SORCS1: variants seen among roughly 807,000 people sequenced by gnomAD.
SORCS1 encodes VPS10 domain-containing receptor SorCS1.
A neutral mutation model predicts 146.1 loss-of-function variants in SORCS1; 60 were observed. That is an observed-to-expected ratio of 0.41 (90% CI 0.33 to 0.51). The LOEUF is 0.51. Ranked by LOEUF, SORCS1 falls within the 20% of genes least tolerant of loss-of-function variation. SORCS1 has a pLI of 0.21. For missense variants in SORCS1, 1,352 were observed against 1,487.6 expected, an observed-to-expected ratio of 0.91 and a Z score of 1.50; for synonymous variants, 637 against 584.0, an observed-to-expected ratio of 1.09 and a Z score of -1.31.
chr10:107,035,492 G>GA (rs1196470944), intron 1 of SORCS1, among the ~76,000 whole-genome samples: 1 of 152,028 alleles, frequency 6.6e-6, no homozygotes, highest in East Asian at 1.9e-4. Flanking sequence ...AGAATGGAGT[G>GA]AAAAAACTCT....
chr10:106,851,776 T>C (rs12412367), intron 2 of SORCS1, among the ~76,000 whole-genome samples: 42,380 of 152,180 alleles, frequency 0.28, 7,075 homozygotes, highest in Non-Finnish European at 0.38. Context: ...GTTGAATCTA[T>C]AGATCAAGTT....
At position 107,015,314 on chromosome 10, in the gene SORCS1, T is replaced by C. The variant is rs192400661; in HGVS notation, c.559-58734A>G. ...CTCAGTAAGTACATTGTATGGTATG[T>C]CAGAAGGTGACTTGTGTTATTGCCA... On this transcript the variant is annotated intron_variant, in intron 1 of 25. Coordinates refer to ENST00000263054, the MANE Select transcript of SORCS1 (RefSeq NM_052918.5). Among the ~76,000 whole-genome samples, 466 of 152,298 alleles carry C rather than the reference T, an allele frequency of 3.1e-3. 1 individual carries two copies. The highest frequency in any genetic ancestry group is 0.024 in the Middle Eastern group (7 of 294).
chr10:107,150,455 A>G (rs1590246677), intron 1 of SORCS1, among the ~76,000 whole-genome samples: 1 of 152,364 alleles, frequency 6.6e-6, no homozygotes, highest in South Asian at 2.1e-4. Flanking sequence ...CACATGCAAG[A>G]GTGGCTACCT....
At chr10:107,037,290 A>G (rs918378595) in intron 1 of SORCS1, among the ~76,000 whole-genome samples, 8 of 152,170 alleles carry the variant, frequency 5.3e-5, no homozygotes, top group African/African-American at 1.9e-4. Flanking sequence ...AAGTCAGTCT[A>G]CCAAAAAGCT....
intron 1 of SORCS1, among the ~76,000 whole-genome samples, chr10:107,058,458 G>A: frequency 6.6e-6 from 1 of 152,136 alleles, no homozygotes; most frequent in Non-Finnish European, 1.5e-5. Context: ...AAAAAACCTA[G>A]AACGTGTTAG....
chr10:107,134,133 G>A (rs1334983555), intron 1 of SORCS1, among the ~76,000 whole-genome samples: 1 of 152,116 alleles, frequency 6.6e-6, no homozygotes, highest in East Asian at 1.9e-4. Context: ...AAAGTAACTG[G>A]CATACTTTCA....
chr10:106,658,387 C>T (rs1312910306), intron 17 of SORCS1, among the ~76,000 whole-genome samples: 1 of 151,788 alleles, frequency 6.6e-6, no homozygotes, highest in Non-Finnish European at 1.5e-5. Context: ...CGGTAGTTAT[C>T]ACATGCAACC....
intron 14 of SORCS1, among the ~76,000 whole-genome samples, chr10:106,674,328 C>CAAAAAAAAAA (rs10658432): frequency 0.14 from 3,930 of 27,322 alleles, 1,590 homozygotes; most frequent in Middle Eastern, 0.25. Context: ...GACTCCGTCT[C>CAAAAAAAAAA]AAAAAAAAAA....
intron 1 of SORCS1, among the ~76,000 whole-genome samples, chr10:107,109,393 G>C (rs1027303826): frequency 8.5e-5 from 13 of 152,204 alleles, no homozygotes; most frequent in Non-Finnish European, 1.8e-4. Flanking sequence ...GAATCTGCAG[G>C]CTTAACACTA....
intron 2 of SORCS1, among the ~76,000 whole-genome samples, chr10:106,901,149 A>G (rs1951684755): frequency 6.6e-6 from 1 of 152,198 alleles, no homozygotes; most frequent in African/African-American, 2.4e-5. Flanking sequence ...ACTTTTCCCT[A>G]AAATAACACA....
At chr10:106,790,192 T>C (rs11597972) in intron 3 of SORCS1, among the ~76,000 whole-genome samples, 12,796 of 152,236 alleles carry the variant, frequency 0.084, 682 homozygotes, top group East Asian at 0.23. Context: ...TTTGTTACTG[T>C]AACATCAGAG....
chr10:106,873,223 G>T (rs1188346111), intron 2 of SORCS1, among the ~76,000 whole-genome samples: 1 of 151,418 alleles, frequency 6.6e-6, no homozygotes, highest in Non-Finnish European at 1.5e-5. Flanking sequence ...TGAGGCAGGA[G>T]AATTGTTTGA....
At chr10:106,797,498 T>G (rs1946630162) in intron 3 of SORCS1, among the ~76,000 whole-genome samples, 1 of 151,564 alleles carries the variant, frequency 6.6e-6, no homozygotes, top group Non-Finnish European at 1.5e-5. Flanking sequence ...CTTTTCCAAT[T>G]TAGTCTCTTG....
rs1338445606 is a variant in SORCS1 at position 107,154,672 on chromosome 10, G to A, written c.558+9297C>T. ...CAATTTAAGAAAATAGAACTGGACC[G>A]AGAGAACCTAAATGCAGAAACAGAA... On this transcript the variant is annotated intron_variant, in intron 1 of 25. Transcript: ENST00000263054. Among the ~76,000 whole-genome samples, 3 of 152,128 alleles carry A rather than the reference G, an allele frequency of 2.0e-5. No individual in the cohort carries two copies. The South Asian group carries it at 6.2e-4, about 31-fold the overall frequency.
intron 5 of SORCS1, among the ~76,000 whole-genome samples, chr10:106,757,649 C>G (rs552006843): frequency 3.3e-5 from 5 of 152,122 alleles, no homozygotes; most frequent in Admixed American, 6.6e-5. Flanking sequence ...CTTAAGGAAC[C>G]CTTGTGAGCC....
intron 1 of SORCS1, among the ~76,000 whole-genome samples, chr10:107,101,815 T>C (rs1467622171): frequency 1.3e-5 from 2 of 152,058 alleles, no homozygotes; most frequent in African/African-American, 2.4e-5. Context: ...ATAGTCTTTA[T>C]AATAAAAATA....
At chr10:107,035,267 AAAAAAAAACAAC>A (rs1250708134) in intron 1 of SORCS1, among the ~76,000 whole-genome samples, 3 of 144,618 alleles carry the variant, frequency 2.1e-5, no homozygotes, top group African/African-American at 7.9e-5. Context: ...AGCTTCAAAA[AAAAAAAAACAAC>A]AAAAAAAAAA....
At chr10:106,843,075 A>G (rs977819108) in intron 2 of SORCS1, among the ~76,000 whole-genome samples, 3 of 152,202 alleles carry the variant, frequency 2.0e-5, no homozygotes, top group African/African-American at 7.2e-5. Context: ...TTATATGTCC[A>G]TTACCTCAAA....
the SORCS1 span, among the ~76,000 whole-genome samples, chr10:107,170,546 C>T: frequency 0.81 from 122,485 of 152,114 alleles, 50,189 homozygotes; most frequent in Non-Finnish European, 0.9. Flanking sequence ...TCAGTAGACT[C>T]CTGTGGCATA....
Sources: gnomAD v4.1 joint callset for allele counts (sites outside exome capture counted in the v4.1 genomes callset) on GRCh38, gnomAD v4.1.1 for gene constraint, MANE v1.5 for transcripts, NCBI Gene and HGNC (gene_info 2026-07-23, HGNC 2026-07-21) for gene names.